Variants in CTCF observed in about 807,000 individuals in gnomAD.
The protein encoded by CTCF is CCCTC-binding factor, also known as transcriptional repressor CTCF.
In CTCF, 7 loss-of-function variants were observed where a neutral mutation model predicts 72.3. That is an observed-to-expected ratio of 0.10 (90% CI 0.06 to 0.18). The LOEUF is 0.18. Ranked by LOEUF, CTCF falls within the 10% of genes least tolerant of loss-of-function variation. CTCF has a pLI of 1.00. For synonymous variants in CTCF, 374 were observed against 315.8 expected (o/e 1.18, Z -1.95); for missense variants, 516 against 949.1 (o/e 0.54, Z 6.00).
chr16:67,633,560 G>A (rs759391546), intron 10 of CTCF, among the ~76,000 whole-genome samples: 3 of 152,086 alleles, frequency 2.0e-5, no homozygotes, highest in Non-Finnish European at 4.4e-5. Flanking sequence ...ATCAATAATA[G>A]TTTCAAAAGA....
chr16:67,564,189 C>G (rs1311647866), intron 1 of CTCF, among the ~76,000 whole-genome samples: 1 of 152,332 alleles, frequency 6.6e-6, no homozygotes, highest in East Asian at 1.9e-4. Context: ...CTTAAGTTTT[C>G]TTTCTTCACT....
intron 10 of CTCF, among the ~76,000 whole-genome samples, chr16:67,633,805 C>CAT (rs910220131): frequency 3.3e-5 from 5 of 151,650 alleles, no homozygotes; most frequent in Non-Finnish European, 7.4e-5. Context: ...CACACACACA[C>CAT]ACACACACAC....
intron 2 of CTCF, among the ~76,000 whole-genome samples, chr16:67,589,972 A>G (rs893708729): frequency 6.6e-6 from 1 of 152,138 alleles, no homozygotes; most frequent in Non-Finnish European, 1.5e-5. Flanking sequence ...TTGTAGTCCC[A>G]GCTACTCAGG....
At chr16:67,595,930 ATCTT>A (rs2142776197) in intron 2 of CTCF, among the ~76,000 whole-genome samples, 1 of 152,120 alleles carries the variant, frequency 6.6e-6, no homozygotes, top group South Asian at 2.1e-4. Flanking sequence ...ATTGGGGAGT[ATCTT>A]TCTTTTTTTT....
chr16:67,617,309 C>T (rs2052144563), intron 5 of CTCF, among the ~76,000 whole-genome samples: 1 of 152,006 alleles, frequency 6.6e-6, no homozygotes, highest in Non-Finnish European at 1.5e-5. Context: ...ACCATCCTGG[C>T]TAAAACGGTG....
Position 67,610,857 on chromosome 16 carries a change from A to G in CTCF, c.25A>G (p.Ile9Val). MEGDAVEA[I>V]VEESETFIKG... ...AATGGAAGGTGATGCAGTCGAAGCC[A>G]TTGTGGAGGAGTCCGAAACTTTTAT... The change falls in exon 3 of 12, where the codon ATT becomes GTT. Residue 9 changes from isoleucine (I) to valine (V), a missense_variant. Ile to Val is a conservative substitution (Grantham distance 29, BLOSUM62 3). Coordinates refer to ENST00000264010, the MANE Select transcript of CTCF (RefSeq NM_006565.4). The G allele has an allele frequency of 4.7e-6, 7 of 1,494,020 alleles. No homozygotes were observed. Among genetic ancestry groups the G allele is most frequent in the Non-Finnish European group, 5.4e-6 (6 of 1,120,534 alleles). The allele number at this position is 1,494,020 out of a possible 1,614,324, so 92.5% of individuals were successfully genotyped here.
chr16:67,635,381 G>A (rs942863728), intron 10 of CTCF: 1 of 151,784 alleles, frequency 6.6e-6, no homozygotes, highest in South Asian at 2.1e-4. Flanking sequence ...TGCCAGGCTG[G>A]TCTCGAACTC....
At chr16:67,620,878 C>T in intron 6 of CTCF, 61 bp downstream of exon 6, 2 of 1,406,144 alleles carry the variant, frequency 1.4e-6, no homozygotes, top group South Asian at 1.5e-5. Flanking sequence ...CCCATGGGAC[C>T]CTGTGGACCA....
intron 2 of CTCF, among the ~76,000 whole-genome samples, chr16:67,593,129 AT>A (rs1461244881): frequency 6.7e-6 from 1 of 150,332 alleles, no homozygotes; most frequent in Non-Finnish European, 1.5e-5. Flanking sequence ...TTTAATATAT[AT>A]TTTATACATA....
At chr16:67,576,787 C>G (rs988705443) in intron 2 of CTCF, among the ~76,000 whole-genome samples, 1 of 152,002 alleles carries the variant, frequency 6.6e-6, no homozygotes, top group African/African-American at 2.4e-5. Flanking sequence ...GCCTCTGCCT[C>G]CGAAAGTGCT....
intron 2 of CTCF, among the ~76,000 whole-genome samples, chr16:67,574,152 G>A (rs1317374640): frequency 1.3e-5 from 2 of 152,012 alleles, no homozygotes; most frequent in African/African-American, 4.8e-5. Context: ...GATCCCACAC[G>A]TTTAGGGTTC....
At chr16:67,616,274 G>T (rs1460579432) in intron 4 of CTCF, 1 of 153,782 alleles carries the variant, frequency 6.5e-6, no homozygotes, top group Non-Finnish European at 1.4e-5. Context: ...AAAGAAAGTT[G>T]CAGAATATGG....
rs779701491 is a variant in CTCF at position 67,620,810 on chromosome 16, C to G, written c.1200C>G (p.Thr400=). The stretch of plus-strand genomic sequence containing the variant: ...ACAAGCTGAAAAGGCACATGAGAAC[C>G]CATTCAGGTAGGACTTCTCCACTCC... The part of the protein sequence containing the change: ...DTYKLKRHMR[T]HSGEKPYECY... The change falls in exon 6 of 12, where the codon ACC becomes ACG. Residue 400 remains threonine (T), a synonymous_variant. Transcript: ENST00000264010. The G allele has an allele frequency of 6.3e-7, 1 of 1,588,500 alleles. No individual in the cohort carries two copies. The highest frequency in any genetic ancestry group is 1.7e-5 in the Admixed American group (1 of 59,512).
chr16:67,567,699 T>C (rs2051360885), intron 1 of CTCF, among the ~76,000 whole-genome samples: 1 of 151,756 alleles, frequency 6.6e-6, no homozygotes, highest in South Asian at 2.1e-4. Context: ...CAAGCAGTCT[T>C]CCTGCTGCAG....
intron 2 of CTCF, among the ~76,000 whole-genome samples, chr16:67,605,220 G>A (rs2051958578): frequency 6.6e-6 from 1 of 151,940 alleles, no homozygotes; most frequent in South Asian, 2.1e-4. Flanking sequence ...TGATCCACCC[G>A]CCTTCGCCTC....
chr16:67,563,024 C>T (rs1567586603), intron 1 of CTCF, among the ~76,000 whole-genome samples: 1 of 151,132 alleles, frequency 6.6e-6, no homozygotes, highest in African/African-American at 2.4e-5. Context: ...CTCCATTTTC[C>T]TTCCTTTGTC....
chr16:67,570,104 T>A (rs1454537068), intron 1 of CTCF, among the ~76,000 whole-genome samples: 1 of 145,914 alleles, frequency 6.9e-6, no homozygotes. Context: ...TGAGACGGAG[T>A]CTCGCTGTGT....
chr16:67,603,028 C>T (rs997048124), intron 2 of CTCF, among the ~76,000 whole-genome samples: 3 of 152,002 alleles, frequency 2.0e-5, no homozygotes, highest in East Asian at 1.9e-4. Flanking sequence ...CTGTCCGGTA[C>T]GGAAGCCCCT....
chr16:67,605,458 C>T (rs1412175316), intron 2 of CTCF, among the ~76,000 whole-genome samples: 2 of 152,128 alleles, frequency 1.3e-5, no homozygotes, highest in Non-Finnish European at 2.9e-5. Context: ...GTATTTTTCT[C>T]TTGGTTGTTG....
Sources: allele counts gnomAD v4.1 joint callset (sites outside exome capture counted in the v4.1 genomes callset), GRCh38; gene constraint gnomAD v4.1.1; transcripts MANE v1.5; gene names NCBI Gene and HGNC (gene_info 2026-07-23, HGNC 2026-07-21).